The following GPC5 variants were observed in gnomAD, a reference collection of about 807,000 sequenced individuals.
GPC5 encodes the protein glypican 5.
In GPC5, 47 loss-of-function variants were observed where a neutral mutation model predicts 53.9. The observed-to-expected ratio is 0.87, with a 90% CI of 0.69 to 1.11. The LOEUF (loss-of-function observed/expected upper bound fraction) is 1.11. Among genes scored for constraint, GPC5 ranks in the 50% most tolerant of loss-of-function variants. The pLI is 0.00. For missense variants in GPC5, 748 were observed against 713.1 expected (o/e 1.05, Z -0.56); for synonymous variants, 286 against 263.3 (o/e 1.09, Z -0.84).
chr13:91,825,379 A>G (rs2038561074), intron 5 of GPC5, among the ~76,000 whole-genome samples: 1 of 152,134 alleles, frequency 6.6e-6, no homozygotes, highest in Admixed American at 6.6e-5. Flanking sequence ...GTCTAAGCAC[A>G]TGTTTATGTG....
chr13:92,837,347 A>G (rs1463409887), intron 7 of GPC5, among the ~76,000 whole-genome samples: 1 of 152,124 alleles, frequency 6.6e-6, no homozygotes, highest in Non-Finnish European at 1.5e-5. Context: ...GCAAGCACCA[A>G]TCATCTTTGA....
At chr13:92,175,996 C>G (rs1034968258) in intron 7 of GPC5, among the ~76,000 whole-genome samples, 1 of 152,178 alleles carries the variant, frequency 6.6e-6, no homozygotes, top group Non-Finnish European at 1.5e-5. Flanking sequence ...TTATCTATAT[C>G]TAGCCAGAAA....
At chr13:92,324,822 T>C (rs1278954180) in intron 7 of GPC5, among the ~76,000 whole-genome samples, 1 of 151,870 alleles carries the variant, frequency 6.6e-6, no homozygotes, top group Non-Finnish European at 1.5e-5. Flanking sequence ...CTATCATAGA[T>C]TTCTACCTCA....
chr13:92,505,520 A>G (rs1435661958), intron 7 of GPC5, among the ~76,000 whole-genome samples: 1 of 152,072 alleles, frequency 6.6e-6, no homozygotes, highest in Non-Finnish European at 1.5e-5. Flanking sequence ...TGGGAAATGA[A>G]AATGATATAG....
intron 6 of GPC5, among the ~76,000 whole-genome samples, chr13:92,101,511 G>A (rs918662070): frequency 6.6e-6 from 1 of 152,084 alleles, no homozygotes; most frequent in Non-Finnish European, 1.5e-5. Context: ...TATTTCCAGG[G>A]CTATCCCTGG....
chr13:91,452,783 C>T (rs1187414962), intron 2 of GPC5, among the ~76,000 whole-genome samples: 1 of 151,622 alleles, frequency 6.6e-6, no homozygotes, highest in East Asian at 1.9e-4. Flanking sequence ...TGTAACTATG[C>T]AAAAATTTCA....
At chr13:91,655,261 C>T (rs1295847759) in intron 2 of GPC5, among the ~76,000 whole-genome samples, 1 of 151,934 alleles carries the variant, frequency 6.6e-6, no homozygotes, top group African/African-American at 2.4e-5. Context: ...CTGTTGTATG[C>T]TAGGACAATT....
At chr13:92,284,423 C>G (rs1038132167) in intron 7 of GPC5, among the ~76,000 whole-genome samples, 4 of 152,120 alleles carry the variant, frequency 2.6e-5, no homozygotes, top group Non-Finnish European at 4.4e-5. Flanking sequence ...CAAAGCCTGA[C>G]AGAGGCATAA....
chr13:92,746,792 G>A (rs140164337), intron 7 of GPC5, among the ~76,000 whole-genome samples: 19 of 152,118 alleles, frequency 1.2e-4, no homozygotes, highest in African/African-American at 4.3e-4. Context: ...AGAAGGATTT[G>A]GCTCCTTGAT....
chr13:91,609,185 C>T (rs2033470284), intron 2 of GPC5, among the ~76,000 whole-genome samples: 1 of 150,376 alleles, frequency 6.6e-6, no homozygotes, highest in Non-Finnish European at 1.5e-5. Flanking sequence ...CTGAAATTAA[C>T]AGGCCATGTA....
intron 7 of GPC5, among the ~76,000 whole-genome samples, chr13:92,508,579 G>A (rs9589568): frequency 6.6e-6 from 1 of 152,060 alleles, no homozygotes; most frequent in Non-Finnish European, 1.5e-5. Context: ...CTTGCCCAAG[G>A]ACACACTGTA....
At position 92,159,478 on chromosome 13, in the gene GPC5, G is replaced by A. The variant is rs184234635; in HGVS notation, c.1561+14489G>A. 2.2e-4 allele frequency among the ~76,000 whole-genome samples: 34 copies of A among 151,492 alleles called. No homozygotes were observed. The East Asian group carries it at 3.1e-3, about 14-fold the overall frequency. On this transcript the variant is annotated intron_variant, in intron 7 of 7. Coordinates refer to ENST00000377067, the MANE Select transcript of GPC5 (RefSeq NM_004466.6). The stretch of plus-strand genomic sequence containing the variant: ...ATCACCTTGGAAGGGCAACATTCCC[G>A]TTGTCCATTTGAGAAGCATACTTCT...
chr13:92,683,685 C>T (rs1594417150), intron 7 of GPC5, among the ~76,000 whole-genome samples: 1 of 152,104 alleles, frequency 6.6e-6, no homozygotes, highest in Non-Finnish European at 1.5e-5. Flanking sequence ...AGTTCTTAGA[C>T]ACAATCTCTC....
intron 5 of GPC5, among the ~76,000 whole-genome samples, chr13:91,875,708 ATTTT>A (rs1249368889): frequency 6.6e-6 from 1 of 152,196 alleles, no homozygotes; most frequent in Admixed American, 6.5e-5. Flanking sequence ...TGGAATATTT[ATTTT>A]TAACTTCTTA....
intron 7 of GPC5, chr13:92,446,584 A>G (rs1877836203): frequency 1.3e-5 from 2 of 152,054 alleles, no homozygotes; most frequent in Admixed American, 6.6e-5. Flanking sequence ...TAGTTCTGCA[A>G]TAAACATGAG....
chr13:91,451,347 C>T (rs1013023048), intron 2 of GPC5, among the ~76,000 whole-genome samples: 3 of 152,024 alleles, frequency 2.0e-5, no homozygotes, highest in Non-Finnish European at 4.4e-5. Flanking sequence ...CTTATGTGAC[C>T]CCACGGAAAC....
chr13:92,331,213 T>C (rs1170382773), intron 7 of GPC5, among the ~76,000 whole-genome samples: 2 of 152,166 alleles, frequency 1.3e-5, no homozygotes, highest in Admixed American at 6.6e-5. Flanking sequence ...CCCTCAATCA[T>C]TTAACACACA....
At chr13:92,344,286 AACTC>A (rs1414066285) in intron 7 of GPC5, among the ~76,000 whole-genome samples, 1 of 152,114 alleles carries the variant, frequency 6.6e-6, no homozygotes, top group Non-Finnish European at 1.5e-5. Context: ...CTCTCCTGAG[AACTC>A]ACTATCATGA....
At chr13:92,051,125 G>A (rs2041023944) in intron 6 of GPC5, among the ~76,000 whole-genome samples, 1 of 151,920 alleles carries the variant, frequency 6.6e-6, no homozygotes, top group Non-Finnish European at 1.5e-5. Flanking sequence ...ACTCTTTCAG[G>A]GAACCAGCTA....
Sources: gnomAD v4.1 joint callset for allele counts (sites outside exome capture counted in the v4.1 genomes callset) on GRCh38, gnomAD v4.1.1 for gene constraint, MANE v1.5 for transcripts, NCBI Gene and HGNC (gene_info 2026-07-23, HGNC 2026-07-21) for gene names.